Variants in NDUFS8 observed in about 807,000 individuals in gnomAD.
NDUFS8 encodes NADH dehydrogenase [ubiquinone] iron-sulfur protein 8, mitochondrial.
Under a neutral mutation model 25.6 loss-of-function variants are expected in NDUFS8, and 13 were observed. The ratio of observed to expected loss-of-function variants is 0.51; its 90% CI spans 0.33 to 0.81. The LOEUF (loss-of-function observed/expected upper bound fraction) is 0.81, where lower values mean the gene tolerates loss of function less well. Ranked by LOEUF, NDUFS8 falls within the 30% of genes least tolerant of loss-of-function variation. The pLI, the probability that NDUFS8 is intolerant of heterozygous loss-of-function variation, is 0.02. For missense variants in NDUFS8, 257 were observed against 300.9 expected (o/e 0.85, Z 1.08); for synonymous variants, 119 against 119.4 (o/e 1.00, Z 0.02).
chr11:68,030,939 T>C (rs1299053222), intron 1 of NDUFS8: 5 of 443,198 alleles, frequency 1.1e-5, no homozygotes, highest in Admixed American at 9.7e-5. Context: ...CCGGCCTAGT[T>C]AGGGTCGGAG....
At chr11:68,033,700 G>A (rs775449710) in intron 5 of NDUFS8, 3 of 302,502 alleles carry the variant, frequency 9.9e-6, no homozygotes, top group Non-Finnish European at 1.9e-5. Flanking sequence ...CGTTCTCTTA[G>A]TGGGTCTCGT....
chr11:68,034,757 G>C (rs550641603), intron 5 of NDUFS8: 7 of 144,092 alleles, frequency 4.9e-5, no homozygotes, highest in African/African-American at 1.8e-4. Context: ...GGGTTGCAGT[G>C]AGCCAAAATT....
At chr11:68,031,379 C>T (rs999463920) in intron 1 of NDUFS8, among the ~76,000 whole-genome samples, 4 of 152,212 alleles carry the variant, frequency 2.6e-5, no homozygotes, top group Non-Finnish European at 5.9e-5. Flanking sequence ...CAAGGTCTCA[C>T]TCTGTCGCCC....
Position 68,036,235 on chromosome 11 carries a change from T to C in NDUFS8, c.373-18T>C. 1 of 1,612,214 alleles carries C rather than the reference T, an allele frequency of 6.2e-7. No individual in the cohort carries two copies. The highest frequency in any genetic ancestry group is 2.2e-5 in the East Asian group (1 of 44,870). On this transcript the variant is annotated intron_variant, in intron 5 of 6. Coordinates refer to ENST00000313468, the MANE Select transcript of NDUFS8 (RefSeq NM_002496.4). ...TGTGACAGGGCAGCGTGGCAGTGTCTGGTGGCCCCTCCCGCAGGCCATCAC... is the reference window on the plus strand; with the variant it reads ...TGTGACAGGGCAGCGTGGCAGTGTCCGGTGGCCCCTCCCGCAGGCCATCAC...
At position 68,036,270 on chromosome 11, in the gene NDUFS8, T is replaced by A. The variant is rs894063268; in HGVS notation, c.390T>A (p.Ala130=). 6.2e-7 allele frequency: 1 copy of A among 1,612,758 alleles called. No individual in the cohort carries two copies. Among genetic ancestry groups the A allele is most frequent in the African/African-American group, 1.3e-5 (1 of 74,918 alleles). ...ICPAQAITIE[A]EPRADGSRRT... ...TCCCGCAGGCCATCACCATCGAGGC[T>A]GAGCCAAGAGCTGATGGCAGCCGCC... Residue 130 remains alanine (A), a synonymous_variant, in exon 6 of 7, where the codon GCT becomes GCA. Transcript: ENST00000313468.
chr11:68,036,194 G>A, intron 5 of NDUFS8, 59 bp from the exon 6 acceptor site: 1 of 1,607,938 alleles, frequency 6.2e-7, no homozygotes, highest in Non-Finnish European at 8.5e-7. Flanking sequence ...AGTGACAGGG[G>A]CCCTGGGGGC....
intron 5 of NDUFS8, chr11:68,036,008 A>T: frequency 3.5e-5 from 15 of 424,880 alleles, no homozygotes; most frequent in Middle Eastern, 7.3e-4. Flanking sequence ...ACAGAGCGAG[A>T]CTCTATCTCA....
At chr11:68,033,393 A>G in intron 5 of NDUFS8, 110 bp downstream of exon 5, 2 of 1,320,198 alleles carry the variant, frequency 1.5e-6, no homozygotes, top group Non-Finnish European at 1.1e-6. Flanking sequence ...GTCCCCAGGA[A>G]GTCCCTTTCC....
At position 68,032,877 on chromosome 11, in the gene NDUFS8, G is replaced by A. The variant is rs756213920; in HGVS notation, c.110-46G>A. 7 of 1,580,972 alleles carry A rather than the reference G, an allele frequency of 4.4e-6. No individual in the cohort carries two copies. The African/African-American group carries it at 9.4e-5, about 21-fold the overall frequency. On this transcript the variant is annotated intron_variant, in intron 3 of 6. Coordinates refer to ENST00000313468, the MANE Select transcript of NDUFS8 (RefSeq NM_002496.4). ...CTCTCCCTGAGGCTCCAGGGAGACA[G>A]TGTGTGAGGCCTCTTGCCATGGCCT...
At chr11:68,036,080 G>A (rs1854883306) in intron 5 of NDUFS8, 173 bp from the exon 6 acceptor site, 3 of 987,446 alleles carry the variant, frequency 3.0e-6, no homozygotes, top group Non-Finnish European at 4.5e-6. Context: ...ACGTGCTGAG[G>A]AGACAGGCGC....
intron 3 of NDUFS8, 54 bp downstream of exon 3, chr11:68,032,390 G>A: frequency 6.2e-7 from 1 of 1,612,186 alleles, no homozygotes; most frequent in Non-Finnish European, 8.5e-7. Flanking sequence ...TCCTGCTGGA[G>A]TAGGGGAAGA....
chr11:68,034,431 A>T (rs1854839438), intron 5 of NDUFS8: 1 of 152,252 alleles, frequency 6.6e-6, no homozygotes, highest in Non-Finnish European at 1.5e-5. Context: ...CCAACAGTGT[A>T]GGCATTCTTG....
chr11:68,033,068 G>T, intron 4 of NDUFS8, 43 bp from the exon 5 acceptor site: 3 of 1,613,260 alleles, frequency 1.9e-6, no homozygotes, highest in Non-Finnish European at 2.5e-6. Flanking sequence ...GGATGCATGG[G>T]GGAGGAGGGT....
intron 6 of NDUFS8, 22 bp downstream of exon 6, chr11:68,036,403 G>A (rs201685930): frequency 4.6e-5 from 75 of 1,613,616 alleles, no homozygotes; most frequent in Non-Finnish European, 5.9e-5. Context: ...CCCCGGGTGG[G>A]AGGGGGCCTG....
chr11:68,036,090 C>T (rs1447632153), intron 5 of NDUFS8, 163 bp from the exon 6 acceptor site: 7 of 1,129,876 alleles, frequency 6.2e-6, no homozygotes, highest in Non-Finnish European at 8.9e-6. Flanking sequence ...GAGACAGGCG[C>T]GAGCACCAGA....
intron 1 of NDUFS8, 28 bp from the exon 2 acceptor site, chr11:68,032,124 C>T: frequency 6.2e-7 from 1 of 1,611,850 alleles, no homozygotes; most frequent in Non-Finnish European, 8.5e-7. Flanking sequence ...GGGCACACCC[C>T]ACCCTCCATC....
intron 3 of NDUFS8, 98 bp downstream of exon 3, chr11:68,032,434 G>A (rs531754129): frequency 2.0e-4 from 322 of 1,599,656 alleles, no homozygotes; most frequent in South Asian, 1.5e-3. Context: ...TGTCAGGGGC[G>A]TTCTTCTCTG....
chr11:68,032,396 G>GA (rs1191329704), intron 3 of NDUFS8, 60 bp downstream of exon 3: 7 of 1,611,632 alleles, frequency 4.3e-6, no homozygotes, highest in Non-Finnish European at 5.1e-6. Context: ...TGGAGTAGGG[G>GA]AAGAGACCTG....
chr11:68,032,974 G>T lies in NDUFS8; in HGVS notation c.161G>T (p.Arg54Leu), dbSNP rs764045667. Residue 54 changes from arginine (R) to leucine (L), a missense_variant, in exon 4 of 7, where the codon CGG becomes CTG. Arg to Leu is a moderately radical substitution (Grantham distance 102, BLOSUM62 -2). Transcript: ENST00000313468. Reference protein sequence around the residue: ...PEMDMKSVTDRAARTLLWTEL... With the variant: ...PEMDMKSVTDLAARTLLWTEL... The stretch of plus-strand genomic sequence containing the variant: ...ATGGACATGAAGTCAGTGACTGACC[G>T]GGCAGCCCGCACCCTGCTGTGGACT... 1.2e-6 allele frequency: 2 copies of T among 1,613,834 alleles called. No individual in the cohort carries two copies. Among genetic ancestry groups the T allele is most frequent in the Non-Finnish European group, 1.7e-6 (2 of 1,179,998 alleles).
Sources: gnomAD v4.1 joint callset for allele counts (sites outside exome capture counted in the v4.1 genomes callset) on GRCh38, gnomAD v4.1.1 for gene constraint, MANE v1.5 for transcripts, NCBI Gene and HGNC (gene_info 2026-07-23, HGNC 2026-07-21) for gene names.